AKAP9: variants seen among roughly 807,000 people sequenced by gnomAD.
AKAP9 encodes A-kinase anchor protein 9.
Under a neutral mutation model 488.5 loss-of-function variants are expected in AKAP9, and 311 were observed. That is an observed-to-expected ratio of 0.64 (90% CI 0.58 to 0.70). The LOEUF (loss-of-function observed/expected upper bound fraction) is 0.70. AKAP9 is among the 30% of genes least tolerant of loss of function. The pLI, the probability that AKAP9 is intolerant of heterozygous loss-of-function variation, is 0.00. For missense variants in AKAP9, 4,215 were observed against 4,374.5 expected, an observed-to-expected ratio of 0.96 and a Z score of 1.03; for synonymous variants, 1,462 against 1,483.5, an observed-to-expected ratio of 0.99 and a Z score of 0.33.
intron 7 of AKAP9, 170 bp downstream of exon 7, chr7:91,995,970 G>T: frequency 3.2e-6 from 2 of 625,498 alleles, no homozygotes; most frequent in Admixed American, 5.9e-5. Flanking sequence ...TAGTTTTTAA[G>T]ATAATAGTCA....
At chr7:91,968,166 GAGCTCA>G (rs1794644216) in intron 1 of AKAP9, among the ~76,000 whole-genome samples, 1 of 152,222 alleles carries the variant, frequency 6.6e-6, no homozygotes, top group East Asian at 1.9e-4. Flanking sequence ...TCAAACTCCT[GAGCTCA>G]AGCTCAAGCA....
chr7:91,977,298 T>C (rs910315988), intron 2 of AKAP9, among the ~76,000 whole-genome samples: 11 of 152,142 alleles, frequency 7.2e-5, no homozygotes, highest in African/African-American at 2.7e-4. Context: ...GGCTCATGCC[T>C]GTAATCCCAG....
At chr7:91,976,035 T>G (rs1424766685) in intron 2 of AKAP9, among the ~76,000 whole-genome samples, 13 of 151,576 alleles carry the variant, frequency 8.6e-5, no homozygotes, top group Non-Finnish European at 8.8e-5. Flanking sequence ...TTCGAGTGAT[T>G]CTCCTGCCTC....
At chr7:92,077,285 G>T (rs1812770749) in intron 29 of AKAP9, among the ~76,000 whole-genome samples, 1 of 151,564 alleles carries the variant, frequency 6.6e-6, no homozygotes, top group Non-Finnish European at 1.5e-5. Flanking sequence ...TAGAGATGGG[G>T]TTTCACCGTG....
At chr7:92,092,927 A>C (rs932069713) in intron 38 of AKAP9, 170 bp from the exon 39 acceptor site, 2 of 603,400 alleles carry the variant, frequency 3.3e-6, no homozygotes, top group Non-Finnish European at 5.8e-6. Context: ...CTGGGATTAC[A>C]GGTGTGAGCC....
At chr7:91,983,827 A>G (rs1796737359) in intron 3 of AKAP9, among the ~76,000 whole-genome samples, 1 of 152,224 alleles carries the variant, frequency 6.6e-6, no homozygotes, top group Non-Finnish European at 1.5e-5. Flanking sequence ...AATGATCGCC[A>G]TTCTAACTTT....
At chr7:92,005,276 A>G (rs1366552118) in intron 8 of AKAP9, among the ~76,000 whole-genome samples, 2 of 152,048 alleles carry the variant, frequency 1.3e-5, no homozygotes, top group Admixed American at 1.3e-4. Context: ...GGAATGTTGG[A>G]GAGGGTAGTA....
chr7:92,032,582 T>G (rs1488581516), intron 16 of AKAP9, among the ~76,000 whole-genome samples: 1 of 152,090 alleles, frequency 6.6e-6, no homozygotes, highest in African/African-American at 2.4e-5. Flanking sequence ...GCTGTCTTAA[T>G]ATAACAATCC....
chr7:92,029,311 C>A (rs1245613653), intron 14 of AKAP9, among the ~76,000 whole-genome samples: 1 of 152,156 alleles, frequency 6.6e-6, no homozygotes, highest in Non-Finnish European at 1.5e-5. Context: ...ACCACCACTG[C>A]TCCTGACTGA....
At chr7:92,066,352 A>G in intron 25 of AKAP9, 75 bp from the exon 26 acceptor site, 2 of 1,557,546 alleles carry the variant, frequency 1.3e-6, no homozygotes, top group Non-Finnish European at 1.8e-6. Flanking sequence ...CATATCTCTA[A>G]AGGAGAAGTA....
At position 91,988,135 on chromosome 7, in the gene AKAP9, G is replaced by A. The variant is rs1178661808; in HGVS notation, c.352-4023G>A. ...AGTCACTGTTTATTCCACACGGTAA[G>A]ATAGCTCATCAATTTAGTTTTTTTG... On this transcript the variant is annotated intron_variant, in intron 3 of 49. Coordinates refer to ENST00000356239, the MANE Select transcript of AKAP9 (RefSeq NM_005751.5). Among the ~76,000 whole-genome samples the A allele has an allele frequency of 2.6e-5, 4 of 151,988 alleles. No homozygotes were observed. In the South Asian group the frequency reaches 6.2e-4, roughly 24 times the overall value.
At chr7:91,969,589 G>C (rs943902645) in intron 1 of AKAP9, among the ~76,000 whole-genome samples, 1 of 152,070 alleles carries the variant, frequency 6.6e-6, no homozygotes, top group Non-Finnish European at 1.5e-5. Flanking sequence ...TGGGGCTCTG[G>C]TGCTGGGTGC....
Position 92,096,850 on chromosome 7 carries a change from G to T in AKAP9, c.9891G>T (p.Glu3297Asp). ...QLSEEQGRNLELQVLLESEKV... is the reference protein window; with the variant it reads ...QLSEEQGRNLDLQVLLESEKV... ...CAGAAGAACAAGGTCGAAACTTAGAGCTTCAGGTACTTCTTGAATCTGAGA... is the reference window on the plus strand; with the variant it reads ...CAGAAGAACAAGGTCGAAACTTAGATCTTCAGGTACTTCTTGAATCTGAGA... Residue 3297 changes from glutamate to aspartate, a missense_variant, in exon 41 of 50, where the codon GAG (glutamate) becomes GAT (aspartate). By Grantham distance (45) the Glu-to-Asp change is conservative. Transcript: ENST00000356239. 6 of 1,614,184 alleles carry T rather than the reference G, an allele frequency of 3.7e-6. No individual in the cohort carries two copies. The highest frequency in any genetic ancestry group is 5.1e-6 in the Non-Finnish European group (6 of 1,180,036).
chr7:92,001,725 TAGAAAA>T lies in AKAP9; in HGVS notation c.1815_1820del (p.Glu606_Lys607del), dbSNP rs1455029822. 2.5e-6 allele frequency: 4 copies of T among 1,612,702 alleles called. No homozygotes were observed. Among genetic ancestry groups the T allele is most frequent in the Admixed American group, 3.3e-5 (2 of 59,878 alleles). Reference sequence around the variant, plus strand: ...AATTACAAGATAAAACTTGAAATGTTAGAAAAAGAAAAGAATGCTGTGTTAGACAGA... The same window carrying T: ...AATTACAAGATAAAACTTGAAATGTTAGAAAAGAATGCTGTGTTAGACAGA... On this transcript the variant is annotated inframe_deletion, in exon 8 of 50. Coordinates refer to ENST00000356239, the MANE Select transcript of AKAP9 (RefSeq NM_005751.5).
At chr7:92,075,271 G>A (rs1381667342) in intron 28 of AKAP9, among the ~76,000 whole-genome samples, 3 of 151,958 alleles carry the variant, frequency 2.0e-5, no homozygotes, top group African/African-American at 7.3e-5. Context: ...TATGAGATAG[G>A]GCAGCAATTT....
At chr7:91,987,257 A>G (rs2130616817) in intron 3 of AKAP9, among the ~76,000 whole-genome samples, 1 of 152,240 alleles carries the variant, frequency 6.6e-6, no homozygotes, top group East Asian at 1.9e-4. Context: ...ATGTCTACTA[A>G]AAATAACAAA....
At position 92,001,061 on chromosome 7, in the gene AKAP9, A is replaced by G; in HGVS notation, c.1144A>G (p.Asn382Asp). Reference sequence around the variant, plus strand: ...AAAAAACATGAAATTAGAGCTGACTAATTCTAAGCAAAAAGAAAGACAGTC... The same window carrying G: ...AAAAAACATGAAATTAGAGCTGACTGATTCTAAGCAAAAAGAAAGACAGTC... ...EIKNMKLELTNSKQKERQSSE... is the reference protein window; with the variant it reads ...EIKNMKLELTDSKQKERQSSE... Residue 382 changes from asparagine to aspartate, a missense_variant, in exon 8 of 50, where the codon AAT (asparagine) becomes GAT (aspartate). Asn to Asp is a conservative substitution (Grantham distance 23, BLOSUM62 1). Around this residue, in one of 5 missense-constraint regions of AKAP9, gnomAD observed 2,361 missense variants for 2,430.0 expected, o/e 0.97. Coordinates refer to ENST00000356239, the MANE Select transcript of AKAP9 (RefSeq NM_005751.5). 2.5e-6 allele frequency: 4 copies of G among 1,611,636 alleles called. No individual in the cohort carries two copies. The highest frequency in any genetic ancestry group is 1.1e-5 in the South Asian group (1 of 90,686).
rs751381868 is a variant in AKAP9, at chr7:92,014,236, T to A, written c.3533-13T>A. 6.3e-7 allele frequency: 1 copy of A among 1,579,444 alleles called. No homozygotes were observed. The highest frequency in any genetic ancestry group is 8.7e-7 in the Non-Finnish European group (1 of 1,148,968). On this transcript the variant is annotated splice_polypyrimidine_tract_variant and intron_variant, in intron 9 of 49. Transcript: ENST00000356239. ...GTAAATTGAATTTCTTAATCCATTA[T>A]CTGTTCTATTAGGTGATGAAGGAAA...
intron 32 of AKAP9, among the ~76,000 whole-genome samples, 193 bp from the exon 33 acceptor site, chr7:92,082,977 A>G (rs185814522): frequency 2.0e-5 from 3 of 152,336 alleles, no homozygotes; most frequent in Admixed American, 1.3e-4. Flanking sequence ...TCATTTCTAT[A>G]GTAATCTATG....
Sources: gnomAD v4.1 joint callset for allele counts (sites outside exome capture counted in the v4.1 genomes callset) on GRCh38, gnomAD v4.1.1 for gene constraint, gnomAD v4.1.1 regional missense constraint, MANE v1.5 for transcripts, NCBI Gene and HGNC (gene_info 2026-07-23, HGNC 2026-07-21) for gene names.